Variants in KIRREL3 observed in about 807,000 individuals in gnomAD.
KIRREL3 encodes the protein kirre like nephrin family adhesion molecule 3.
In KIRREL3, 36 loss-of-function variants were observed where a neutral mutation model predicts 89.7. The ratio of observed to expected loss-of-function variants is 0.40; its 90% CI spans 0.31 to 0.53. The LOEUF (loss-of-function observed/expected upper bound fraction) is 0.53. Ranked by LOEUF, KIRREL3 falls within the 20% of genes least tolerant of loss-of-function variation. The pLI is 0.49. For synonymous variants in KIRREL3, 445 were observed against 441.4 expected, an observed-to-expected ratio of 1.01 and a Z score of -0.10; for missense variants, 864 against 1,056.6, an observed-to-expected ratio of 0.82 and a Z score of 2.53.
Position 126,940,590 on chromosome 11 carries a change from G to A in KIRREL3, c.55+59865C>T, listed in dbSNP as rs1948406743. ...TTCCACGGTGTGTGTGTGTGTCTGT[G>A]GGTGCATGCATTTTCACCCTTCTCA... is the stretch of plus-strand genomic sequence containing the variant. On this transcript the variant is annotated intron_variant, in intron 1 of 16. Transcript: ENST00000525144. This position sits in a 1 kb window ranked among gnomAD's most constrained non-coding sequence, Gnocchi z 4.6. 1 of 152,078 alleles carries A rather than the reference G, an allele frequency of 6.6e-6. No homozygotes were observed. The highest frequency in any genetic ancestry group is 2.4e-5 in the African/African-American group (1 of 41,382). The allele number at this position is 152,078 out of a possible 1,614,324, so 9.4% of individuals were successfully genotyped here.
intron 6 of KIRREL3, among the ~76,000 whole-genome samples, chr11:126,460,783 T>C (rs2134246721): frequency 6.6e-6 from 1 of 152,128 alleles, no homozygotes; most frequent in African/African-American, 2.4e-5. Context: ...CCTGGAGAGG[T>C]TCTCCTGGGG....
At chr11:126,701,040 C>T (rs1437015870) in intron 1 of KIRREL3, among the ~76,000 whole-genome samples, 2 of 152,226 alleles carry the variant, frequency 1.3e-5, no homozygotes, top group Non-Finnish European at 2.9e-5. Flanking sequence ...AAAGCCTGAA[C>T]ATACGTCAGT....
intron 1 of KIRREL3, among the ~76,000 whole-genome samples, chr11:126,644,120 T>C (rs965868297): frequency 9.2e-5 from 14 of 152,156 alleles, no homozygotes; most frequent in African/African-American, 3.1e-4. Context: ...AAGGATGTCA[T>C]TGAAAAGGGG....
rs569429111 is a variant in KIRREL3, at chr11:126,564,124, C to T, written c.56-1212G>A. ...CCCTTGCCAGGGTTTCTGGGCTCCT[C>T]CCTGCTCCTTCCTTTGATTTCTCAG... On this transcript the variant is annotated intron_variant, in intron 1 of 16. Coordinates refer to ENST00000525144, the MANE Select transcript of KIRREL3 (RefSeq NM_032531.4). The surrounding 1 kb of genome is among the most constrained non-coding windows in gnomAD (Gnocchi z 7.4). 2.0e-5 allele frequency among the ~76,000 whole-genome samples: 3 copies of T among 152,366 alleles called. No individual in the cohort carries two copies. Among genetic ancestry groups the T allele is most frequent in the African/African-American group, 4.8e-5 (2 of 41,598 alleles).
In KIRREL3 at chr11:126,755,065, T is replaced by C. The variant is rs760107178; in HGVS notation, c.56-192153A>G. On this transcript the variant is annotated intron_variant, in intron 1 of 16. Coordinates refer to ENST00000525144, the MANE Select transcript of KIRREL3 (RefSeq NM_032531.4). The surrounding 1 kb of genome is among the most constrained non-coding windows in gnomAD (Gnocchi z 4.3). Reference sequence around the variant, plus strand: ...CCCAGATAAGAGTATCTTAATCAAATAAAAAAAGCATTAGGCTTTAATCTC... The same window carrying C: ...CCCAGATAAGAGTATCTTAATCAAACAAAAAAAGCATTAGGCTTTAATCTC... Among the ~76,000 whole-genome samples the C allele has an allele frequency of 4.7e-4, 72 of 152,080 alleles. No homozygotes were observed. The highest frequency in any genetic ancestry group is 9.3e-4 in the Non-Finnish European group (63 of 67,984).
intron 1 of KIRREL3, among the ~76,000 whole-genome samples, chr11:126,637,305 G>A (rs1318897978): frequency 6.6e-6 from 1 of 152,194 alleles, no homozygotes; most frequent in African/African-American, 2.4e-5. Context: ...AGTGAATCAT[G>A]TTGTAATCAT....
In KIRREL3 at chr11:126,918,251, T is replaced by G. The variant is rs1370367553; in HGVS notation, c.55+82204A>C. Among the ~76,000 whole-genome samples the G allele has an allele frequency of 6.6e-6, 1 of 152,148 alleles. No individual in the cohort carries two copies. Among genetic ancestry groups the G allele is most frequent in the Non-Finnish European group, 1.5e-5 (1 of 68,026 alleles). ...TGTGTCCATTTGGGCCTCAGCAACA[T>G]CCCCAGATGCTGGGCAGATCCAGTG... On this transcript the variant is annotated intron_variant, in intron 1 of 16. Transcript: ENST00000525144. This position sits in a 1 kb window ranked among gnomAD's most constrained non-coding sequence, Gnocchi z 6.5.
chr11:126,482,672 G>A (rs1456934853), intron 4 of KIRREL3, among the ~76,000 whole-genome samples: 2 of 152,182 alleles, frequency 1.3e-5, no homozygotes, highest in African/African-American at 4.8e-5. Flanking sequence ...TGCCCCCTTG[G>A]TAAAGCAGAG....
intron 1 of KIRREL3, chr11:126,944,564 C>T: frequency 6.6e-6 from 1 of 152,344 alleles, no homozygotes; most frequent in Non-Finnish European, 1.5e-5. Flanking sequence ...GTGCCAGTAA[C>T]CGTCATGCCT....
At chr11:126,937,639 G>A (rs1040864709) in intron 1 of KIRREL3, among the ~76,000 whole-genome samples, 7 of 152,218 alleles carry the variant, frequency 4.6e-5, no homozygotes, top group South Asian at 4.1e-4. Context: ...GGTGGCTCAT[G>A]CCTGTAATCC....
chr11:126,447,214 C>T (rs561351869), intron 8 of KIRREL3, among the ~76,000 whole-genome samples: 30 of 152,334 alleles, frequency 2.0e-4, no homozygotes, highest in Non-Finnish European at 4.1e-4. Flanking sequence ...TCATCCCCTT[C>T]CCTCTGTCTG....
At chr11:126,784,335 C>T (rs557649525) in intron 1 of KIRREL3, among the ~76,000 whole-genome samples, 28 of 152,342 alleles carry the variant, frequency 1.8e-4, no homozygotes, top group Admixed American at 1.7e-3. Flanking sequence ...TGGGAACCCT[C>T]TGTACTATTT....
chr11:126,551,281 G>A lies in KIRREL3; in HGVS notation c.133+11554C>T, dbSNP rs544625162. 4.9e-4 allele frequency among the ~76,000 whole-genome samples: 74 copies of A among 152,096 alleles called. No individual in the cohort carries two copies. Among genetic ancestry groups the A allele is most frequent in the Non-Finnish European group, 9.3e-4 (63 of 68,032 alleles). On this transcript the variant is annotated intron_variant, in intron 2 of 16. Coordinates refer to ENST00000525144, the MANE Select transcript of KIRREL3 (RefSeq NM_032531.4). This position sits in a 1 kb window ranked among gnomAD's most constrained non-coding sequence, Gnocchi z 4.9. ...GGGTGTGAGGCGGGACTCTCTCAGG[G>A]AAGGGTCTTAAGACCCACAATCAGA... is the stretch of plus-strand genomic sequence containing the variant.
At position 126,954,233 on chromosome 11, in the gene KIRREL3, G is replaced by C. The variant is rs1948856776; in HGVS notation, c.55+46222C>G. ...CTGCTGCCTGGACTCAAGGATTATA[G>C]AGGAATTCTGGGAAGCTTTCATCAG... On this transcript the variant is annotated intron_variant, in intron 1 of 16. Transcript: ENST00000525144. The surrounding 1 kb of genome is among the most constrained non-coding windows in gnomAD (Gnocchi z 4.1). Among the ~76,000 whole-genome samples the C allele has an allele frequency of 6.6e-6, 1 of 151,270 alleles. No individual in the cohort carries two copies.
chr11:126,563,147 T>A lies in KIRREL3; in HGVS notation c.56-235A>T, dbSNP rs1178660093. On this transcript the variant is annotated intron_variant, in intron 1 of 16. Transcript: ENST00000525144. This position sits in a 1 kb window ranked among gnomAD's most constrained non-coding sequence, Gnocchi z 6.8. ...GTTTCCCCATTTTCTATCATCCCCA[T>A]TTATAGATATATGAAGTTAGTGGCA... Among the ~76,000 whole-genome samples the A allele has an allele frequency of 6.6e-6, 1 of 152,238 alleles. No individual in the cohort carries two copies.
intron 1 of KIRREL3, among the ~76,000 whole-genome samples, chr11:126,966,847 A>G (rs1949286808): frequency 6.6e-6 from 1 of 152,210 alleles, no homozygotes; most frequent in Non-Finnish European, 1.5e-5. Context: ...CAATCAGCAC[A>G]CTTTCTGACA....
At chr11:126,869,777 CT>C (rs1434303154) in intron 1 of KIRREL3, among the ~76,000 whole-genome samples, 2 of 152,144 alleles carry the variant, frequency 1.3e-5, no homozygotes, top group Non-Finnish European at 2.9e-5. Flanking sequence ...CTGTAAGACC[CT>C]CGCACAGAAT....
intron 1 of KIRREL3, among the ~76,000 whole-genome samples, chr11:126,873,842 G>A (rs537473984): frequency 1.4e-4 from 21 of 152,278 alleles, no homozygotes; most frequent in Non-Finnish European, 2.2e-4. Context: ...TGCCTACCTC[G>A]TGTACAAGAA....
At chr11:126,458,721 G>A (rs963035427) in intron 6 of KIRREL3, among the ~76,000 whole-genome samples, 10 of 152,198 alleles carry the variant, frequency 6.6e-5, no homozygotes, top group South Asian at 2.1e-4. Context: ...CTCCTGGTGC[G>A]GTCAGCCTGC....
Sources: gnomAD v4.1 joint callset for allele counts (sites outside exome capture counted in the v4.1 genomes callset) on GRCh38, gnomAD v4.1.1 for gene constraint, Gnocchi (gnomAD v3.1) non-coding constraint, MANE v1.5 for transcripts, NCBI Gene and HGNC (gene_info 2026-07-23, HGNC 2026-07-21) for gene names.